GALR1: variants seen among roughly 807,000 people sequenced by gnomAD.
The protein encoded by GALR1 is galanin receptor type 1.
Under a neutral mutation model 17.9 loss-of-function variants are expected in GALR1, and 11 were observed. The ratio of observed to expected loss-of-function variants is 0.62; its 90% CI spans 0.39 to 1.02. The LOEUF (loss-of-function observed/expected upper bound fraction) is 1.02, where lower values mean the gene tolerates loss of function less well. Among genes scored for constraint, GALR1 ranks in the 50% least tolerant of loss-of-function variants. The pLI is 0.01. For synonymous variants in GALR1, 206 were observed against 205.7 expected (o/e 1.00, Z -0.01); for missense variants, 441 against 456.9 (o/e 0.97, Z 0.32).
intron 2 of GALR1, among the ~76,000 whole-genome samples, chr18:77,265,715 C>A (rs1349784312): frequency 6.6e-6 from 1 of 152,170 alleles, no homozygotes; most frequent in South Asian, 2.1e-4. Flanking sequence ...TCTTGACTTC[C>A]GTGCACCTGC....
chr18:77,251,273 CT>C, intron 1 of GALR1, 59 bp downstream of exon 1: 1 of 1,541,616 alleles, frequency 6.5e-7, no homozygotes, highest in Admixed American at 1.9e-5. Context: ...GGTGGGGGCC[CT>C]GGGGTCTCAG....
At position 77,250,510 on chromosome 18, in the gene GALR1, C is replaced by T. The variant is rs549249793; in HGVS notation, c.-39C>T. On this transcript the variant is annotated 5_prime_UTR_variant, in exon 1 of 3. Transcript: ENST00000299727. ...GCGCCTACTATCCCGCCCTCCCTCC[C>T]CGCGCGCCCCGCCGCTCGCCGGGAC... 58 of 1,429,440 alleles carry T rather than the reference C, an allele frequency of 4.1e-5. 1 individual carries two copies. In the South Asian group the frequency reaches 6.7e-4, roughly 16 times the overall value. The allele number at this position is 1,429,440 out of a possible 1,614,324, so 88.5% of individuals were successfully genotyped here.
chr18:77,250,614 G>T lies in GALR1; in HGVS notation c.66G>T (p.Glu22Asp). 6.4e-7 allele frequency: 1 copy of T among 1,572,528 alleles called. No homozygotes were observed. Among genetic ancestry groups the T allele is most frequent in the Non-Finnish European group, 8.6e-7 (1 of 1,162,702 alleles). Residue 22 changes from glutamate to aspartate, a missense_variant, in exon 1 of 3, where the codon GAG (glutamate) becomes GAT (aspartate). Physicochemically the swap from Glu to Asp is conservative, Grantham distance 45 (BLOSUM62 2). Coordinates refer to ENST00000299727, the MANE Select transcript of GALR1 (RefSeq NM_001480.4). The part of the protein sequence containing the change: ...NASWPEPPAP[E>D]PGPLFGIGVE... ...GCTGGCCGGAGCCCCCCGCCCCGGA[G>T]CCCGGGCCGCTGTTCGGCATCGGCG...
chr18:77,256,102 A>G, intron 1 of GALR1, 56 bp from the exon 2 acceptor site: 2 of 862,498 alleles, frequency 2.3e-6, no homozygotes, highest in South Asian at 2.8e-5. Flanking sequence ...AATGCAACAT[A>G]GGCAGTGGGT....
At chr18:77,259,420 ATGATGG>A (rs1912765837) in intron 2 of GALR1, among the ~76,000 whole-genome samples, 5 of 135,942 alleles carry the variant, frequency 3.7e-5, no homozygotes, top group Admixed American at 7.4e-5. Flanking sequence ...TATGGTGGTG[ATGATGG>A]TCATGGTGGT....
At chr18:77,253,001 C>CACCACCACCACCACCACCAT (rs1912500150) in intron 1 of GALR1, among the ~76,000 whole-genome samples, 1 of 55,924 alleles carries the variant, frequency 1.8e-5, no homozygotes, top group Non-Finnish European at 4.0e-5. Flanking sequence ...ACCACCACCA[C>CACCACCACCACCACCACCAT]CACCACCACC....
At chr18:77,253,246 G>A (rs932966404) in intron 1 of GALR1, among the ~76,000 whole-genome samples, 2 of 151,992 alleles carry the variant, frequency 1.3e-5, no homozygotes, top group African/African-American at 4.8e-5. Flanking sequence ...TTATTTACCC[G>A]TATTTTATTA....
chr18:77,263,968 A>C (rs12969348), intron 2 of GALR1, among the ~76,000 whole-genome samples: 36,089 of 151,446 alleles, frequency 0.24, 4,931 homozygotes, highest in East Asian at 0.48. Flanking sequence ...AAACCCGTCT[A>C]TACTAAAAAT....
Position 77,257,107 on chromosome 18 carries a change from A to G in GALR1, c.732+884A>G, listed in dbSNP as rs143667323. 2.9e-3 allele frequency among the ~76,000 whole-genome samples: 435 copies of G among 152,338 alleles called. 4 individuals are homozygous for G. Among genetic ancestry groups the G allele is most frequent in the African/African-American group, 9.5e-3 (396 of 41,572 alleles). On this transcript the variant is annotated intron_variant, in intron 2 of 2. Coordinates refer to ENST00000299727, the MANE Select transcript of GALR1 (RefSeq NM_001480.4). Reference sequence around the variant, plus strand: ...GACATACCTAATTTATAGAAATTATAGTTTAGATCATGTTTAATCATGTTT... The same window carrying G: ...GACATACCTAATTTATAGAAATTATGGTTTAGATCATGTTTAATCATGTTT...
rs1388194301 is a variant in GALR1, at chr18:77,250,848, C to T, written c.300C>T (p.Thr100=). 3 of 1,612,928 alleles carry T rather than the reference C, an allele frequency of 1.9e-6. No homozygotes were observed. The highest frequency in any genetic ancestry group is 2.7e-5 in the African/African-American group (2 of 74,948). ...AGGCCACCGTGTACGCGCTGCCCAC[C>T]TGGGTGCTGGGCGCCTTCATCTGCA... is the stretch of plus-strand genomic sequence containing the variant. The part of the protein sequence containing the change: ...PFQATVYALP[T]WVLGAFICKF... The change falls in exon 1 of 3, where the codon ACC becomes ACT. Residue 100 remains threonine, a synonymous_variant. Coordinates refer to ENST00000299727, the MANE Select transcript of GALR1 (RefSeq NM_001480.4).
At chr18:77,252,935 C>CCATCACCACCACCAT (rs1568139105) in intron 1 of GALR1, among the ~76,000 whole-genome samples, 1 of 45,728 alleles carries the variant, frequency 2.2e-5, no homozygotes, top group Non-Finnish European at 5.4e-5. Flanking sequence ...ACCACCACCA[C>CCATCACCACCACCAT]CACCACCACC....
chr18:77,261,399 C>T (rs778269636), intron 2 of GALR1, among the ~76,000 whole-genome samples: 4 of 152,174 alleles, frequency 2.6e-5, no homozygotes, highest in Non-Finnish European at 5.9e-5. Flanking sequence ...GAAAGAATCA[C>T]GTCATAAATA....
At chr18:77,258,570 G>GTGGTGGTGGTGGTGGTGA (rs1912651932) in intron 2 of GALR1, among the ~76,000 whole-genome samples, 1 of 145,666 alleles carries the variant, frequency 6.9e-6, no homozygotes, top group Non-Finnish European at 1.5e-5. Flanking sequence ...CATAGTGGGG[G>GTGGTGGTGGTGGTGGTGA]TGGTGGTGGT....
In GALR1 at chr18:77,269,310, T is replaced by A; in HGVS notation, c.*408T>A. ...GAAAAAAAAATTTGAGCTTTAATTC[T>A]TTAATTTTAAGAGAAGTAATATTGT... is the stretch of plus-strand genomic sequence containing the variant. On this transcript the variant is annotated 3_prime_UTR_variant, in exon 3 of 3. Coordinates refer to ENST00000299727, the MANE Select transcript of GALR1 (RefSeq NM_001480.4). 6.3e-6 allele frequency: 1 copy of A among 158,166 alleles called. No homozygotes were observed. Among genetic ancestry groups the A allele is most frequent in the Non-Finnish European group, 1.4e-5 (1 of 72,220 alleles). The allele number at this position is 158,166 out of a possible 1,614,324, so 9.8% of individuals were successfully genotyped here.
chr18:77,256,578 AT>A (rs1382629999), intron 2 of GALR1, among the ~76,000 whole-genome samples: 1 of 152,070 alleles, frequency 6.6e-6, no homozygotes, highest in Non-Finnish European at 1.5e-5. Context: ...AAGTATAGTC[AT>A]TTTGTTTTAT....
intron 2 of GALR1, among the ~76,000 whole-genome samples, chr18:77,267,593 CTGTT>C (rs1412306274): frequency 6.6e-6 from 1 of 152,230 alleles, no homozygotes; most frequent in Non-Finnish European, 1.5e-5. Context: ...AGAGAACCAT[CTGTT>C]TGAGGAGAGA....
Position 77,250,826 on chromosome 18 carries a change from C to T in GALR1, c.278C>T (p.Ala93Val). 6.2e-7 allele frequency: 1 copy of T among 1,613,758 alleles called. No individual in the cohort carries two copies. Among genetic ancestry groups the T allele is most frequent in the Non-Finnish European group, 8.5e-7 (1 of 1,180,014 alleles). The change falls in exon 1 of 3, where the codon GCC becomes GTC. Residue 93 changes from alanine to valine, a missense_variant. Coordinates refer to ENST00000299727, the MANE Select transcript of GALR1 (RefSeq NM_001480.4). The stretch of plus-strand genomic sequence containing the variant: ...CTGCTCTTCTGCATCCCCTTCCAGG[C>T]CACCGTGTACGCGCTGCCCACCTGG... ...AYLLFCIPFQATVYALPTWVL... is the reference protein window; with the variant it reads ...AYLLFCIPFQVTVYALPTWVL...
Position 77,251,269 on chromosome 18 carries a change from G to A in GALR1, c.666+55G>A, listed in dbSNP as rs1432164186. On this transcript the variant is annotated intron_variant, in intron 1 of 2. Coordinates refer to ENST00000299727, the MANE Select transcript of GALR1 (RefSeq NM_001480.4). ...CGAGGGAGGGCGGAGGGCCGGTGGG[G>A]GCCCTGGGGTCTCAGTGTCCCGCGG... The A allele has an allele frequency of 4.5e-6, 7 of 1,540,684 alleles. No homozygotes were observed. The African/African-American group carries it at 8.2e-5, about 18-fold the overall frequency.
At chr18:77,259,751 T>C (rs2144960835) in intron 2 of GALR1, among the ~76,000 whole-genome samples, 1 of 151,174 alleles carries the variant, frequency 6.6e-6, no homozygotes, top group Non-Finnish European at 1.5e-5. Context: ...AAGAAAGAGA[T>C]GGGAGAGAGG....
Sources: allele counts gnomAD v4.1 joint callset (sites outside exome capture counted in the v4.1 genomes callset), GRCh38; gene constraint gnomAD v4.1.1; transcripts MANE v1.5; gene names NCBI Gene and HGNC (gene_info 2026-07-23, HGNC 2026-07-21).